The following SEC16B variants were observed in gnomAD, a reference collection of about 807,000 sequenced individuals.
The protein encoded by SEC16B is SEC16 homolog B, endoplasmic reticulum export factor.
In SEC16B, 115 loss-of-function variants were observed where a neutral mutation model predicts 141.8. That is an observed-to-expected ratio of 0.81 (90% CI 0.70 to 0.95). The LOEUF (loss-of-function observed/expected upper bound fraction) is 0.95, where lower values mean the gene tolerates loss of function less well. Ranked by LOEUF, SEC16B falls within the 40% of genes least tolerant of loss-of-function variation. SEC16B has a pLI of 0.00. For synonymous variants in SEC16B, 493 were observed against 492.5 expected, an observed-to-expected ratio of 1.00 and a Z score of -0.01; for missense variants, 1,291 against 1,312.3, an observed-to-expected ratio of 0.98 and a Z score of 0.25.
At chr1:177,932,842 A>G (rs1650545874) in intron 22 of SEC16B, 36 bp from the exon 23 acceptor site, 3 of 1,567,278 alleles carry the variant, frequency 1.9e-6, no homozygotes, top group South Asian at 2.3e-5. Flanking sequence ...CATTGGCAAC[A>G]TTGGCAGTTA....
In SEC16B at chr1:177,967,987, A is replaced by T. The variant is rs763680187; in HGVS notation, c.-6T>A. ...TGGGGAGCCCAAAGTTCCATCCTTG[A>T]CTCTCTGAATTTGTCCTGGGTTTTG... is the stretch of plus-strand genomic sequence containing the variant. On this transcript the variant is annotated 5_prime_UTR_variant, in exon 2 of 26. Coordinates refer to ENST00000308284, the MANE Select transcript of SEC16B (RefSeq NM_033127.4). The T allele has an allele frequency of 6.3e-7, 1 of 1,591,446 alleles. No homozygotes were observed. The highest frequency in any genetic ancestry group is 8.6e-7 in the Non-Finnish European group (1 of 1,164,286).
chr1:177,933,446 G>A lies in SEC16B; in HGVS notation c.2724+38C>T, dbSNP rs748338091. On this transcript the variant is annotated intron_variant, in intron 21 of 25. Coordinates refer to ENST00000308284, the MANE Select transcript of SEC16B (RefSeq NM_033127.4). ...CACCCTCGAGGAAGGGAATGGCAGG[G>A]GAAGGAAGGCAGGGGAGAGAAGAAC... is the stretch of plus-strand genomic sequence containing the variant. 11 of 1,601,624 alleles carry A rather than the reference G, an allele frequency of 6.9e-6. No homozygotes were observed. The East Asian group carries it at 9.0e-5, about 13-fold the overall frequency.
chr1:177,969,507 G>C (rs988605004), intron 1 of SEC16B, among the ~76,000 whole-genome samples: 1 of 152,168 alleles, frequency 6.6e-6, no homozygotes, highest in Non-Finnish European at 1.5e-5. Flanking sequence ...CTGAAGGCTG[G>C]TGGAACTCAA....
At chr1:177,945,957 G>A (rs896560083) in intron 14 of SEC16B, 4 of 249,986 alleles carry the variant, frequency 1.6e-5, no homozygotes, top group Non-Finnish European at 3.1e-5. Flanking sequence ...AGTAGCTTGT[G>A]CACCAAGTCA....
chr1:177,960,555 T>C, intron 7 of SEC16B, 152 bp from the exon 8 acceptor site: 1 of 710,468 alleles, frequency 1.4e-6, no homozygotes, highest in Middle Eastern at 2.8e-4. Context: ...ATTTTGTTGC[T>C]AAAGATGAGA....
At chr1:177,949,082 G>C (rs554525332) in intron 12 of SEC16B, among the ~76,000 whole-genome samples, 2 of 152,012 alleles carry the variant, frequency 1.3e-5, no homozygotes, top group East Asian at 3.9e-4. Context: ...ATAATTACTT[G>C]GTCTTTGTAA....
chr1:177,979,686 C>A (rs1463046372), intron 1 of SEC16B, among the ~76,000 whole-genome samples: 6 of 152,172 alleles, frequency 3.9e-5, no homozygotes, highest in African/African-American at 9.7e-5. Flanking sequence ...CAAGCCTGGG[C>A]AATTTACAAA....
In SEC16B at chr1:177,948,451, G is replaced by A. The variant is rs754110167; in HGVS notation, c.1546-509C>T. 3.8e-6 allele frequency: 5 copies of A among 1,303,934 alleles called. No homozygotes were observed. The African/African-American group carries it at 6.1e-5, about 16-fold the overall frequency. 80.8% of individuals were successfully genotyped at this position (1,303,934 alleles called of 1,614,324 possible). A position where few individuals can be genotyped will look rare whatever the true frequency, so the allele number is the denominator to read the frequency against. On this transcript the variant is annotated intron_variant, in intron 12 of 25. Coordinates refer to ENST00000308284, the MANE Select transcript of SEC16B (RefSeq NM_033127.4). ...CACACACATCCTCTTAATCTTCACA[G>A]GAACCCTATGAAGTCTAGTTCCTAC...
intron 12 of SEC16B, among the ~76,000 whole-genome samples, chr1:177,950,768 A>T (rs1027995202): frequency 4.3e-4 from 65 of 151,952 alleles, no homozygotes; most frequent in African/African-American, 1.5e-3. Flanking sequence ...TCAGGAAAAA[A>T]GTAGGGGGAA....
intron 10 of SEC16B, among the ~76,000 whole-genome samples, chr1:177,956,663 A>C (rs1191012604): frequency 6.6e-6 from 1 of 152,178 alleles, no homozygotes; most frequent in Non-Finnish European, 1.5e-5. Flanking sequence ...TTAAGCTAGA[A>C]ATCAATCTTC....
At chr1:177,937,922 G>A (rs544930464) in intron 18 of SEC16B, among the ~76,000 whole-genome samples, 8 of 152,168 alleles carry the variant, frequency 5.3e-5, no homozygotes, top group African/African-American at 1.9e-4. Context: ...TGTTAAAACA[G>A]AGATCTTAAG....
chr1:177,954,417 C>A (rs377183892), intron 10 of SEC16B, 41 bp from the exon 11 acceptor site: 3 of 1,491,658 alleles, frequency 2.0e-6, no homozygotes, highest in Middle Eastern at 1.7e-4. Flanking sequence ...CCTTTCCCAC[C>A]TTCCACTCAC....
At position 177,951,923 on chromosome 1, in the gene SEC16B, C is replaced by G. The variant is rs765175075; in HGVS notation, c.1536G>C (p.Gln512His). The change falls in exon 12 of 26, where the codon CAG (glutamine) becomes CAC (histidine). Residue 512 changes from glutamine to histidine, a missense_variant. Coordinates refer to ENST00000308284, the MANE Select transcript of SEC16B (RefSeq NM_033127.4). ...LFQLMSGRIP[Q>H]AATCCGEKQW... The stretch of plus-strand genomic sequence containing the variant: ...CCTGTCATAGGGGTACCGTGGCTGC[C>G]TGTGGAATCCTCCCCGACATGAGCT... 1 of 1,604,136 alleles carries G rather than the reference C, an allele frequency of 6.2e-7. No individual in the cohort carries two copies. Among genetic ancestry groups the G allele is most frequent in the East Asian group, 2.3e-5 (1 of 44,326 alleles).
In SEC16B at chr1:177,959,001, A is replaced by T. The variant is rs141571147; in HGVS notation, c.999-26T>A. On this transcript the variant is annotated intron_variant, in intron 8 of 25. Coordinates refer to ENST00000308284, the MANE Select transcript of SEC16B (RefSeq NM_033127.4). Reference sequence around the variant, plus strand: ...CTACATGGAAAAAATTTAGGGAGCAAAGAGTGAGCAGGCAGACACTTCCCT... The same window carrying T: ...CTACATGGAAAAAATTTAGGGAGCATAGAGTGAGCAGGCAGACACTTCCCT... 674 of 1,604,514 alleles carry T rather than the reference A, an allele frequency of 4.2e-4. No homozygotes were observed. In the African/African-American group the frequency reaches 7.5e-3, roughly 18 times the overall value.
chr1:177,969,800 A>G (rs765235110), intron 1 of SEC16B, 84 bp downstream of exon 1: 2 of 152,208 alleles, frequency 1.3e-5, no homozygotes, highest in Admixed American at 6.5e-5. Flanking sequence ...AGCCCCAGTA[A>G]AGGCAATCTT....
intron 14 of SEC16B, 147 bp from the exon 15 acceptor site, chr1:177,944,813 G>A (rs2101929356): frequency 5.0e-6 from 3 of 595,774 alleles, no homozygotes; most frequent in Non-Finnish European, 8.7e-6. Flanking sequence ...AGAGAAGAAG[G>A]AGACTCTGGG....
At chr1:177,958,408 A>C in intron 9 of SEC16B, 46 bp from the exon 10 acceptor site, 2 of 1,444,532 alleles carry the variant, frequency 1.4e-6, no homozygotes, top group Non-Finnish European at 1.8e-6. Flanking sequence ...ATGAGTCCTC[A>C]GGCTGGCAGC....
chr1:177,933,448 A>C (rs758650583), intron 21 of SEC16B, 36 bp downstream of exon 21: 8 of 1,600,468 alleles, frequency 5.0e-6, no homozygotes, highest in Non-Finnish European at 6.8e-6. Context: ...ATGGCAGGGG[A>C]AGGAAGGCAG....
chr1:177,975,712 T>C (rs937456809), intron 1 of SEC16B, among the ~76,000 whole-genome samples: 1 of 152,232 alleles, frequency 6.6e-6, no homozygotes, highest in Non-Finnish European at 1.5e-5. Flanking sequence ...TGGCTCTTTT[T>C]AGTCAGCAAG....
Sources: gnomAD v4.1 joint callset for allele counts (sites outside exome capture counted in the v4.1 genomes callset) on GRCh38, gnomAD v4.1.1 for gene constraint, MANE v1.5 for transcripts, NCBI Gene and HGNC (gene_info 2026-07-23, HGNC 2026-07-21) for gene names.